The following NCALD variants were observed in gnomAD, a reference collection of about 807,000 sequenced individuals.
NCALD encodes the protein neurocalcin-delta.
A neutral mutation model predicts 18.6 loss-of-function variants in NCALD; 10 were observed. The observed-to-expected ratio is 0.54, with a 90% confidence interval of 0.33 to 0.91. NCALD has a LOEUF of 0.91. Among genes scored for constraint, NCALD ranks in the 40% least tolerant of loss-of-function variants. NCALD has a pLI of 0.03. For missense variants in NCALD, 184 were observed against 247.6 expected, an observed-to-expected ratio of 0.74 and a Z score of 1.72; for synonymous variants, 88 against 87.4, an observed-to-expected ratio of 1.01 and a Z score of -0.04.
rs867885847 is a variant in NCALD at position 101,864,069 on chromosome 8, C to T, written c.-20+23072G>A. Among the ~76,000 whole-genome samples the T allele has an allele frequency of 2.0e-5, 3 of 152,150 alleles. No homozygotes were observed. In the South Asian group the frequency reaches 6.2e-4, roughly 32 times the overall value. ...CATTAACCAACAATCAGAACAGCAC[C>T]TTGTAATCAGATAGTATTACATACT... On this transcript the variant is annotated intron_variant, in intron 4 of 6. Transcript: ENST00000311028.
In NCALD at chr8:101,995,564, G is replaced by A. The variant is rs189896326; in HGVS notation, c.-157+24673C>T. 3.4e-3 allele frequency among the ~76,000 whole-genome samples: 511 copies of A among 152,122 alleles called. 4 individuals carry two copies. Among genetic ancestry groups the A allele is most frequent in the African/African-American group, 0.011 (457 of 41,460 alleles). On this transcript the variant is annotated intron_variant, in intron 2 of 6. Transcript: ENST00000311028. ...AAAACAGGAGCAAGAGAAAGGGGAG[G>A]TGCCACACACTTTTATACAACCAGA... is the stretch of plus-strand genomic sequence containing the variant.
chr8:102,088,258 G>C (rs1409668589), intron 1 of NCALD, among the ~76,000 whole-genome samples: 2 of 152,164 alleles, frequency 1.3e-5, no homozygotes, highest in Non-Finnish European at 2.9e-5. Flanking sequence ...CTTAGGGAGT[G>C]AGTTATTCCT....
intron 4 of NCALD, among the ~76,000 whole-genome samples, chr8:101,864,593 C>CT (rs34516996): frequency 0.059 from 8,107 of 136,826 alleles, 501 homozygotes; most frequent in African/African-American, 0.15. Context: ...TCTTTCCTTT[C>CT]TTTTTTTTTT....
intron 2 of NCALD, among the ~76,000 whole-genome samples, chr8:102,006,017 C>T (rs1821695551): frequency 6.7e-6 from 1 of 149,878 alleles, no homozygotes; most frequent in African/African-American, 2.5e-5. Flanking sequence ...TACCCTAAAA[C>T]TTAAAGTATA....
At chr8:101,871,832 A>C (rs1350543119) in intron 4 of NCALD, 3 of 468,594 alleles carry the variant, frequency 6.4e-6, no homozygotes, top group Non-Finnish European at 1.2e-5. Context: ...CTGCAGCCTC[A>C]GTCACCCTTG....
At chr8:101,963,894 A>C (rs1819927339) in intron 2 of NCALD, among the ~76,000 whole-genome samples, 1 of 152,124 alleles carries the variant, frequency 6.6e-6, no homozygotes, top group South Asian at 2.1e-4. Context: ...TACGGAAAGG[A>C]TCTTAATGGT....
At chr8:101,832,417 C>T (rs927382380) in intron 4 of NCALD, among the ~76,000 whole-genome samples, 1 of 152,196 alleles carries the variant, frequency 6.6e-6, no homozygotes, top group Non-Finnish European at 1.5e-5. Flanking sequence ...TGATTCTCCC[C>T]ATCTTGGCTT....
rs1224840691 is a variant in NCALD, at chr8:101,804,503, AATTATATAATATATAACAAAG to A, written c.-20+82617_-20+82637del. Among the ~76,000 whole-genome samples, 229 of 124,066 alleles carry A rather than the reference AATTATATAATATATAACAAAG, an allele frequency of 1.8e-3. 21 individuals carry two copies. The highest frequency in any genetic ancestry group is 7.7e-3 in the African/African-American group (218 of 28,332). The allele number at this position is 124,066 out of a possible 152,430, so 81.4% of individuals were successfully genotyped here. A position where few individuals can be genotyped will look rare whatever the true frequency, so the allele number is the denominator to read the frequency against. On this transcript the variant is annotated intron_variant, in intron 4 of 6. Coordinates refer to the NCALD transcript ENST00000311028. ...TATATAATATATAATTAATATAATT[AATTATATAATATATAACAAAG>A]ATTATATAATATATAATTAATATAA...
rs1464707091 is a variant in NCALD, at chr8:101,865,315, C to T, written c.-20+21826G>A. 3.3e-4 allele frequency among the ~76,000 whole-genome samples: 51 copies of T among 152,252 alleles called. 1 individual carries two copies. The highest frequency in any genetic ancestry group is 2.6e-4 in the Non-Finnish European group (18 of 68,016). ...TTGTTGGAGTTTGAGGCACAGAAGT[C>T]AAATATTTTCCCTGAGTTTGTGTTT... On this transcript the variant is annotated intron_variant, in intron 4 of 6. Coordinates refer to the NCALD transcript ENST00000311028.
intron 3 of NCALD, among the ~76,000 whole-genome samples, chr8:101,898,983 A>T (rs2131555184): frequency 6.6e-6 from 1 of 152,226 alleles, no homozygotes; most frequent in East Asian, 1.9e-4. Context: ...GAGAACTGAC[A>T]TCTTTACTAA....
At chr8:101,788,913 T>A (rs368382619) in intron 1 of NCALD, 26 of 152,112 alleles carry the variant, frequency 1.7e-4, no homozygotes, top group African/African-American at 6.0e-4. Flanking sequence ...CTGTAGATTC[T>A]AGAGCATCTC....
chr8:101,926,974 T>C lies in NCALD; in HGVS notation c.-156-11116A>G, dbSNP rs367569013. ...TCCTATTGAGAAGAGCTAAAACAGATGCCTGAAACAAGTGGCCCCAGAGTC... is the reference window on the plus strand; with the variant it reads ...TCCTATTGAGAAGAGCTAAAACAGACGCCTGAAACAAGTGGCCCCAGAGTC... On this transcript the variant is annotated intron_variant, in intron 2 of 6. Transcript: ENST00000311028. 3.3e-5 allele frequency among the ~76,000 whole-genome samples: 5 copies of C among 152,320 alleles called. No homozygotes were observed. The East Asian group carries it at 5.8e-4, about 18-fold the overall frequency.
At chr8:102,091,955 G>T (rs1378287035) in intron 1 of NCALD, among the ~76,000 whole-genome samples, 2 of 152,202 alleles carry the variant, frequency 1.3e-5, no homozygotes, top group Non-Finnish European at 2.9e-5. Flanking sequence ...AATGTCAGAG[G>T]TGTTGGTACC....
intron 2 of NCALD, among the ~76,000 whole-genome samples, chr8:101,973,747 A>G (rs1820325281): frequency 6.6e-6 from 1 of 152,188 alleles, no homozygotes; most frequent in African/African-American, 2.4e-5. Flanking sequence ...TGAGACCACA[A>G]GCTTCTAACG....
intron 1 of NCALD, among the ~76,000 whole-genome samples, chr8:102,059,090 T>C (rs1470490166): frequency 6.6e-6 from 1 of 152,254 alleles, no homozygotes; most frequent in East Asian, 1.9e-4. Flanking sequence ...GTTATAAATT[T>C]GTATTGTTTA....
At chr8:101,828,018 G>T (rs1814012622) in intron 4 of NCALD, among the ~76,000 whole-genome samples, 1 of 152,172 alleles carries the variant, frequency 6.6e-6, no homozygotes, top group African/African-American at 2.4e-5. Context: ...AAAGTAAGTA[G>T]ACAATTTTAA....
intron 1 of NCALD, among the ~76,000 whole-genome samples, chr8:102,022,610 T>A (rs1313331951): frequency 1.3e-5 from 2 of 152,188 alleles, no homozygotes; most frequent in Non-Finnish European, 2.9e-5. Flanking sequence ...GTTCCTGCAG[T>A]GTCCACTACC....
At chr8:101,766,178 G>T (rs911782392) in intron 1 of NCALD, among the ~76,000 whole-genome samples, 1 of 152,114 alleles carries the variant, frequency 6.6e-6, no homozygotes, top group African/African-American at 2.4e-5. Context: ...TTTTTCAGAG[G>T]TCCCCCAATC....
chr8:101,847,317 G>A (rs528477522), intron 4 of NCALD: 5 of 252,168 alleles, frequency 2.0e-5, no homozygotes, highest in South Asian at 1.1e-4. Context: ...TCTCACACAC[G>A]CACATGAACA....
Sources: gnomAD v4.1 joint callset for allele counts (sites outside exome capture counted in the v4.1 genomes callset) on GRCh38, gnomAD v4.1.1 for gene constraint, MANE v1.5 for transcripts, NCBI Gene and HGNC (gene_info 2026-07-23, HGNC 2026-07-21) for gene names.